DNAH1: variants seen among roughly 807,000 people sequenced by gnomAD.
DNAH1 encodes axonemal beta dynein heavy chain 1.
A neutral mutation model predicts 484.3 loss-of-function variants in DNAH1; 327 were observed. The ratio of observed to expected loss-of-function variants is 0.68; its 90% CI spans 0.62 to 0.74. The LOEUF (loss-of-function observed/expected upper bound fraction) is 0.74, where lower values mean the gene tolerates loss of function less well. Ranked by LOEUF, DNAH1 falls within the 30% of genes least tolerant of loss-of-function variation. The pLI is 0.00. For missense variants in DNAH1, 5,052 were observed against 5,546.8 expected (o/e 0.91, Z 2.83); for synonymous variants, 2,192 against 2,191.9 (o/e 1.00, Z 0.00).
intron 8 of DNAH1, among the ~76,000 whole-genome samples, chr3:52,337,704 C>T (rs1161842414): frequency 1.3e-5 from 2 of 152,088 alleles, no homozygotes; most frequent in Admixed American, 6.6e-5. Flanking sequence ...AGGTCTGTAC[C>T]GTTATTTTAG....
chr3:52,340,982 T>C (rs531273296), intron 8 of DNAH1, among the ~76,000 whole-genome samples: 19 of 150,882 alleles, frequency 1.3e-4, no homozygotes, highest in South Asian at 2.1e-4. Flanking sequence ...CTCCCTCCCT[T>C]CCTTCCTTCC....
chr3:52,359,771 C>T lies in DNAH1; in HGVS notation c.4408-145C>T, dbSNP rs780336483. Reference sequence around the variant, plus strand: ...ATTCTACTTCCTTCCTTCCCCTGCCCGGTCCCTGCTCCCCTCCCAACTCAG... The same window carrying T: ...ATTCTACTTCCTTCCTTCCCCTGCCTGGTCCCTGCTCCCCTCCCAACTCAG... On this transcript the variant is annotated intron_variant, in intron 26 of 77. Transcript: ENST00000420323. 63 of 1,083,550 alleles carry T rather than the reference C, an allele frequency of 5.8e-5. 1 individual carries two copies. Among genetic ancestry groups the T allele is most frequent in the South Asian group, 3.7e-4 (25 of 67,166 alleles). The allele number at this position is 1,083,550 out of a possible 1,614,324, so 67.1% of individuals were successfully genotyped here. A position where few individuals can be genotyped will look rare whatever the true frequency, so the allele number is the denominator to read the frequency against.
chr3:52,322,693 G>T lies in DNAH1; in HGVS notation c.251G>T (p.Gly84Val). ...CAGCCACGGAAGTCACCCCTGACAG[G>T]CACTGATAAGAAGTACCCGCTGATG... is the stretch of plus-strand genomic sequence containing the variant. ...LGQPRKSPLT[G>V]TDKKYPLMKQ... The change falls in exon 2 of 78, where the codon GGC (glycine) becomes GTC (valine). Residue 84 changes from glycine (G) to valine (V), a missense_variant. By Grantham distance (109) the Gly-to-Val change is moderately radical. This residue lies in a region of DNAH1 where 1,263 missense variants were observed against 1,218.8 expected (regional missense o/e 1.04). Coordinates refer to ENST00000420323, the MANE Select transcript of DNAH1 (RefSeq NM_015512.5). The T allele has an allele frequency of 6.2e-7, 1 of 1,613,774 alleles. No individual in the cohort carries two copies. The highest frequency in any genetic ancestry group is 1.1e-5 in the South Asian group (1 of 91,054).
rs768361045 is a variant in DNAH1 at position 52,393,026 on chromosome 3, G to A, written c.10474+1G>A. On this transcript the variant is annotated splice_donor_variant, in intron 65 of 77. Coordinates refer to ENST00000420323, the MANE Select transcript of DNAH1 (RefSeq NM_015512.5). LOFTEE classifies it high-confidence loss of function. The stretch of plus-strand genomic sequence containing the variant: ...GGCATCGCCAACTCAGAGAGAGCAG[G>A]TAGCACCGGCATGCCAGGCTCCTAC... 30 of 1,612,352 alleles carry A rather than the reference G, an allele frequency of 1.9e-5. No homozygotes were observed. Among genetic ancestry groups the A allele is most frequent in the Non-Finnish European group, 7.6e-6 (9 of 1,178,858 alleles).
Position 52,392,457 on chromosome 3 carries a change from C to A in DNAH1, c.10053-7C>A, listed in dbSNP as rs142135103. 1.9e-6 allele frequency: 3 copies of A among 1,612,940 alleles called. No homozygotes were observed. The highest frequency in any genetic ancestry group is 2.5e-6 in the Non-Finnish European group (3 of 1,179,808). On this transcript the variant is annotated splice_polypyrimidine_tract_variant and splice_region_variant and intron_variant, in intron 63 of 77. Coordinates refer to ENST00000420323, the MANE Select transcript of DNAH1 (RefSeq NM_015512.5). ...ATTACAGACTTGGTGTCCCCTGCCCCCGGCAGTGGCCTAGAGGACCAGCTA... is the reference window on the plus strand; with the variant it reads ...ATTACAGACTTGGTGTCCCCTGCCCACGGCAGTGGCCTAGAGGACCAGCTA...
chr3:52,319,026 A>T (rs1017269803), intron 1 of DNAH1, among the ~76,000 whole-genome samples: 3 of 152,186 alleles, frequency 2.0e-5, no homozygotes, highest in African/African-American at 7.2e-5. Flanking sequence ...CACTGTTGTG[A>T]TGCTAGAACA....
chr3:52,374,426 T>G (rs1703493595), intron 44 of DNAH1: 4 of 1,324,540 alleles, frequency 3.0e-6, no homozygotes, highest in Non-Finnish European at 4.4e-6. Context: ...TGATGACACT[T>G]CTCAAATGCT....
intron 16 of DNAH1, 35 bp from the exon 17 acceptor site, chr3:52,351,927 A>G: frequency 6.3e-7 from 1 of 1,587,586 alleles, no homozygotes; most frequent in Non-Finnish European, 8.6e-7. Flanking sequence ...TTCAGCCGCG[A>G]TATTTCTCCC....
At position 52,379,825 on chromosome 3, in the gene DNAH1, A is replaced by G. The variant is rs1703761719; in HGVS notation, c.7378-80A>G. On this transcript the variant is annotated intron_variant, in intron 47 of 77. Transcript: ENST00000420323. This position sits in a 1 kb window ranked among gnomAD's most constrained non-coding sequence, Gnocchi z 4.4. ...GTCAGGGCCCCAGGAACTGGGGCCC[A>G]CCCTCCCTTGCCTGGTGGTTTGAGA... 5.3e-6 allele frequency: 7 copies of G among 1,311,810 alleles called. No individual in the cohort carries two copies. Among genetic ancestry groups the G allele is most frequent in the Non-Finnish European group, 6.2e-6 (6 of 960,464 alleles). 81.3% of individuals were successfully genotyped at this position (1,311,810 alleles called of 1,614,324 possible).
intron 12 of DNAH1, 28 bp from the exon 13 acceptor site, chr3:52,348,860 T>C: frequency 1.2e-6 from 2 of 1,606,430 alleles, no homozygotes; most frequent in Non-Finnish European, 1.7e-6. Flanking sequence ...CATCCAGGTC[T>C]GCCCTGCCAC....
chr3:52,345,829 T>C, intron 10 of DNAH1, 123 bp downstream of exon 10: 1 of 1,043,890 alleles, frequency 9.6e-7, no homozygotes, highest in Non-Finnish European at 1.4e-6. Flanking sequence ...TGTGAGCCCC[T>C]GCTTTTCTCA....
intron 44 of DNAH1, chr3:52,374,368 G>A (rs1703490423): frequency 3.5e-6 from 5 of 1,440,156 alleles, no homozygotes; most frequent in Admixed American, 1.7e-5. Flanking sequence ...CTGGCATACT[G>A]TGGAGTGCAG....
In DNAH1 at chr3:52,352,618, C is replaced by T. The variant is rs751222789; in HGVS notation, c.2938C>T (p.Arg980Trp). ...TGCACACGAGATCGCCAACGAGGTG[C>T]GGCGTGTCAAGAAGCAGCTGAAGGA... ...SRAHEIANEV[R>W]RVKKQLKDCQ... The change falls in exon 18 of 78, where the codon CGG (arginine) becomes TGG (tryptophan). Residue 980 changes from arginine (R) to tryptophan (W), a missense_variant. By Grantham distance (101) the Arg-to-Trp change is moderately radical. This residue lies in a region of DNAH1 where 2,929 missense variants were observed against 3,409.4 expected (regional missense o/e 0.86). Transcript: ENST00000420323. 24 of 1,612,736 alleles carry T rather than the reference C, an allele frequency of 1.5e-5. No individual in the cohort carries two copies. The highest frequency in any genetic ancestry group is 1.6e-5 in the Non-Finnish European group (19 of 1,179,672).
chr3:52,391,286 C>T lies in DNAH1; in HGVS notation c.9849C>T (p.Gly3283=), dbSNP rs749552811. The change falls in exon 62 of 78, where the codon GGC becomes GGT. Residue 3283 remains glycine, a synonymous_variant. Transcript: ENST00000420323. The part of the protein sequence containing the change: ...FGKPCLLENV[G]EELDPALEPV... ...AGCCATGTCTCCTGGAGAACGTGGG[C>T]GAGGAGCTAGACCCAGCCCTGGAGC... 22 of 1,612,578 alleles carry T rather than the reference C, an allele frequency of 1.4e-5. No individual in the cohort carries two copies. The highest frequency in any genetic ancestry group is 8.4e-5 in the Admixed American group (5 of 59,826).
At chr3:52,349,471 C>T (rs1702283012) in intron 14 of DNAH1, 51 bp downstream of exon 14, 2 of 1,533,660 alleles carry the variant, frequency 1.3e-6, no homozygotes, top group Non-Finnish European at 1.8e-6. Context: ...CACACCACAG[C>T]AGCACACACG....
intron 11 of DNAH1, 55 bp downstream of exon 11, chr3:52,346,825 T>C (rs1702164474): frequency 6.5e-7 from 1 of 1,543,912 alleles, no homozygotes; most frequent in Non-Finnish European, 8.8e-7. Context: ...TGTCACCTGC[T>C]GGGGATGGAG....
In DNAH1 at chr3:52,336,768, C is replaced by T. The variant is rs138266884; in HGVS notation, c.1286+4374C>T. On this transcript the variant is annotated intron_variant, in intron 8 of 77. Transcript: ENST00000420323. Reference sequence around the variant, plus strand: ...AGGTGTGTGGCTTTATTTCTGGGCTCTCTATTTTGTTACATTGGACTATGT... The same window carrying T: ...AGGTGTGTGGCTTTATTTCTGGGCTTTCTATTTTGTTACATTGGACTATGT... 3.9e-3 allele frequency among the ~76,000 whole-genome samples: 592 copies of T among 152,204 alleles called. 5 individuals carry two copies. The highest frequency in any genetic ancestry group is 0.023 in the South Asian group (111 of 4,822).
At chr3:52,343,128 G>A (rs1415012010) in intron 8 of DNAH1, among the ~76,000 whole-genome samples, 75 of 152,204 alleles carry the variant, frequency 4.9e-4, no homozygotes, top group Non-Finnish European at 2.9e-5. Context: ...CCAGTGAGAT[G>A]AGGCAGAGCC....
chr3:52,392,334 T>C (rs1291716267), intron 63 of DNAH1, 130 bp from the exon 64 acceptor site: 36 of 811,924 alleles, frequency 4.4e-5, no homozygotes, highest in Non-Finnish European at 6.7e-5. Context: ...CTAGGCCTCC[T>C]AGGCCAACAC....
Sources: allele counts gnomAD v4.1 joint callset (sites outside exome capture counted in the v4.1 genomes callset), GRCh38; gene constraint gnomAD v4.1.1; regional missense constraint gnomAD v4.1.1; non-coding constraint Gnocchi (gnomAD v3.1); transcripts MANE v1.5; gene names NCBI Gene and HGNC (gene_info 2026-07-23, HGNC 2026-07-21).